Variants in ALPL observed in about 807,000 individuals in gnomAD.
ALPL encodes alkaline phosphatase, tissue-nonspecific isozyme.
In ALPL, 42 loss-of-function variants were observed where a neutral mutation model predicts 51.3. The ratio of observed to expected loss-of-function variants is 0.82; its 90% CI spans 0.64 to 1.06. The LOEUF (loss-of-function observed/expected upper bound fraction) is 1.06, where lower values mean the gene tolerates loss of function less well. Among genes scored for constraint, ALPL ranks in the 50% least tolerant of loss-of-function variants. The pLI is 0.00. For missense variants in ALPL, 589 were observed against 709.4 expected, an observed-to-expected ratio of 0.83 and a Z score of 1.93; for synonymous variants, 279 against 296.4, an observed-to-expected ratio of 0.94 and a Z score of 0.60.
intron 1 of ALPL, among the ~76,000 whole-genome samples, chr1:21,537,295 C>T (rs1644121572): frequency 6.6e-6 from 1 of 152,220 alleles, no homozygotes; most frequent in Non-Finnish European, 1.5e-5. Context: ...TCAGCGAGGA[C>T]TCTGACTTGT....
At chr1:21,517,822 C>G (rs943518233) in intron 1 of ALPL, among the ~76,000 whole-genome samples, 46 of 152,118 alleles carry the variant, frequency 3.0e-4, no homozygotes, top group African/African-American at 1.1e-3. Flanking sequence ...TTCCTCTCTC[C>G]TGCCCTGCAC....
intron 8 of ALPL, among the ~76,000 whole-genome samples, chr1:21,573,161 C>T (rs893756391): frequency 2.0e-5 from 3 of 152,182 alleles, no homozygotes; most frequent in Admixed American, 6.5e-5. Flanking sequence ...GGGCTGGGTG[C>T]GGAGGCTCAC....
chr1:21,545,848 G>A (rs1308634304), intron 1 of ALPL, among the ~76,000 whole-genome samples: 1 of 151,598 alleles, frequency 6.6e-6, no homozygotes, highest in Non-Finnish European at 1.5e-5. Context: ...ACAGAGTCTC[G>A]CTCTGTTGCC....
chr1:21,554,551 C>T (rs575648976), intron 2 of ALPL, among the ~76,000 whole-genome samples: 2 of 149,122 alleles, frequency 1.3e-5, no homozygotes, highest in South Asian at 2.1e-4. Flanking sequence ...AGTGCAGTGG[C>T]GCCATCTTGG....
chr1:21,513,849 G>T (rs777630500), intron 1 of ALPL, among the ~76,000 whole-genome samples: 8 of 152,194 alleles, frequency 5.3e-5, no homozygotes, highest in Non-Finnish European at 1.0e-4. Context: ...GGCCACAGTG[G>T]CTGGAGCTGA....
chr1:21,528,974 G>T (rs1643991446), intron 1 of ALPL, among the ~76,000 whole-genome samples: 1 of 151,576 alleles, frequency 6.6e-6, no homozygotes, highest in Non-Finnish European at 1.5e-5. Flanking sequence ...GGAGGCTGAG[G>T]CAGAGAATTG....
intron 1 of ALPL, among the ~76,000 whole-genome samples, chr1:21,510,494 T>C (rs1643664509): frequency 6.6e-6 from 1 of 152,138 alleles, no homozygotes; most frequent in Admixed American, 6.5e-5. Context: ...CCAGCCTCAG[T>C]GTAGATACTG....
Position 21,554,026 on chromosome 1 carries a change from A to ACCC in ALPL, c.-55_-53dup. 1.2e-5 allele frequency: 8 copies of ACCC among 667,092 alleles called. No homozygotes were observed. Among genetic ancestry groups the ACCC allele is most frequent in the African/African-American group, 1.9e-5 (1 of 51,692 alleles). 41.3% of individuals were successfully genotyped at this position (667,092 alleles called of 1,614,324 possible). A position where few individuals can be genotyped will look rare whatever the true frequency, so the allele number is the denominator to read the frequency against. ...GACCACTGCCAGCCCACCCCCTCCCACCCACGTCGATTGCATCTCTGGGCT... is the reference window on the plus strand; with the variant it reads ...GACCACTGCCAGCCCACCCCCTCCCACCCCCCACGTCGATTGCATCTCTGGGCT... On this transcript the variant is annotated 5_prime_UTR_variant, in exon 2 of 12. Coordinates refer to ENST00000374840, the MANE Select transcript of ALPL (RefSeq NM_000478.6).
intron 1 of ALPL, among the ~76,000 whole-genome samples, chr1:21,551,631 A>T (rs1194198160): frequency 6.7e-6 from 1 of 149,276 alleles, no homozygotes; most frequent in African/African-American, 2.5e-5. Flanking sequence ...TAGATGTGGG[A>T]TATTGCCTTT....
At chr1:21,552,085 T>TC (rs1644333731) in intron 1 of ALPL, among the ~76,000 whole-genome samples, 1 of 60,070 alleles carries the variant, frequency 1.7e-5, no homozygotes, top group Non-Finnish European at 3.4e-5. Flanking sequence ...TTTCTTTTTC[T>TC]CCCTTCCCTT....
intron 1 of ALPL, among the ~76,000 whole-genome samples, chr1:21,546,916 G>C (rs980722965): frequency 2.6e-5 from 4 of 152,236 alleles, no homozygotes; most frequent in Admixed American, 2.6e-4. Context: ...TAGGCCCATA[G>C]ATGGGCTGGA....
chr1:21,512,569 G>A (rs1643710625), intron 1 of ALPL, among the ~76,000 whole-genome samples: 1 of 152,088 alleles, frequency 6.6e-6, no homozygotes, highest in Non-Finnish European at 1.5e-5. Context: ...CTGGTTTGGG[G>A]GCTGGTGTCT....
At chr1:21,573,889 T>G in intron 9 of ALPL, 90 bp downstream of exon 9, 1 of 1,592,968 alleles carries the variant, frequency 6.3e-7, no homozygotes, top group East Asian at 2.3e-5. Flanking sequence ...GGGAACTGAC[T>G]GGTTTGGGGG....
chr1:21,509,843 G>A lies in ALPL; in HGVS notation c.-105+326G>A, dbSNP rs1299419322. 6.6e-6 allele frequency among the ~76,000 whole-genome samples: 1 copy of A among 152,176 alleles called. No homozygotes were observed. The highest frequency in any genetic ancestry group is 2.4e-5 in the African/African-American group (1 of 41,450). ...TCCTACCTCCCGAGCCGCTGCCTGG[G>A]ACCCTGCGCTCTGTCTGGGCACCTG... is the stretch of plus-strand genomic sequence containing the variant. On this transcript the variant is annotated intron_variant, in intron 1 of 11. Transcript: ENST00000374840. The surrounding 1 kb of genome is among the most constrained non-coding windows in gnomAD (Gnocchi z 6.0).
intron 1 of ALPL, among the ~76,000 whole-genome samples, chr1:21,510,740 C>G (rs897897900): frequency 2.0e-5 from 3 of 152,198 alleles, no homozygotes; most frequent in Non-Finnish European, 4.4e-5. Context: ...GGGCTCAGCC[C>G]GCTCTTCCTC....
chr1:21,564,321 T>G lies in ALPL; in HGVS notation c.648+105T>G. 7.0e-7 allele frequency: 1 copy of G among 1,426,480 alleles called. No homozygotes were observed. The highest frequency in any genetic ancestry group is 1.2e-5 in the South Asian group (1 of 82,324). The allele number at this position is 1,426,480 out of a possible 1,614,324, so 88.4% of individuals were successfully genotyped here. ...CCCGGAGAAAGCAGCCTGGCCTGGC[T>G]CCCCACACACCTGGGAGGCTCCCAG... On this transcript the variant is annotated intron_variant, in intron 6 of 11. Coordinates refer to ENST00000374840, the MANE Select transcript of ALPL (RefSeq NM_000478.6). This position sits in a 1 kb window ranked among gnomAD's most constrained non-coding sequence, Gnocchi z 5.8.
intron 10 of ALPL, 106 bp downstream of exon 10, chr1:21,576,030 C>T: frequency 2.2e-6 from 3 of 1,341,554 alleles, no homozygotes; most frequent in Non-Finnish European, 3.2e-6. Context: ...GGTGGGGACT[C>T]AATGACAACT....
Position 21,513,592 on chromosome 1 carries a change from C to T in ALPL, c.-105+4075C>T, listed in dbSNP as rs182542246. 3.6e-3 allele frequency among the ~76,000 whole-genome samples: 545 copies of T among 152,174 alleles called. 4 individuals carry two copies. Among genetic ancestry groups the T allele is most frequent in the African/African-American group, 0.013 (527 of 41,500 alleles). On this transcript the variant is annotated intron_variant, in intron 1 of 11. Transcript: ENST00000374840. ...GACTTCCCTAAGACTTGGAATGGGT[C>T]TAATGTATTCAACTGGTCCTCAGAT...
chr1:21,566,522 C>G (rs994492302), intron 6 of ALPL, among the ~76,000 whole-genome samples: 1 of 151,578 alleles, frequency 6.6e-6, no homozygotes, highest in African/African-American at 2.4e-5. Context: ...AACTCTGGAC[C>G]TCAGGTGATC....
Sources: gnomAD v4.1 joint callset for allele counts (sites outside exome capture counted in the v4.1 genomes callset) on GRCh38, gnomAD v4.1.1 for gene constraint, Gnocchi (gnomAD v3.1) non-coding constraint, MANE v1.5 for transcripts, NCBI Gene and HGNC (gene_info 2026-07-23, HGNC 2026-07-21) for gene names.